The following PRKG1 variants were observed in gnomAD, a reference collection of about 807,000 sequenced individuals.
PRKG1 encodes the protein cGMP-dependent protein kinase 1.
A neutral mutation model predicts 88.1 loss-of-function variants in PRKG1; 35 were observed. The ratio of observed to expected loss-of-function variants is 0.40; its 90% CI spans 0.30 to 0.53. The LOEUF is 0.53. Among genes scored for constraint, PRKG1 ranks in the 20% least tolerant of loss-of-function variants. The pLI is 0.59. For synonymous variants in PRKG1, 303 were observed against 292.5 expected, an observed-to-expected ratio of 1.04 and a Z score of -0.37; for missense variants, 540 against 839.8, an observed-to-expected ratio of 0.64 and a Z score of 4.41.
intron 7 of PRKG1, among the ~76,000 whole-genome samples, chr10:52,110,777 T>C (rs1847545030): frequency 6.6e-6 from 1 of 152,140 alleles, no homozygotes; most frequent in African/African-American, 2.4e-5. Flanking sequence ...TTTATGATCA[T>C]TCGTCTGTCA....
Position 52,029,832 on chromosome 10 carries a change from C to T in PRKG1, c.763-24652C>T, listed in dbSNP as rs147941239. On this transcript the variant is annotated intron_variant, in intron 5 of 17. Transcript: ENST00000373980. Reference sequence around the variant, plus strand: ...AGATGATTAGAAACAGGGTATCTGGCTGCGTGCTGGACATGTGGACAGTAC... The same window carrying T: ...AGATGATTAGAAACAGGGTATCTGGTTGCGTGCTGGACATGTGGACAGTAC... 5.1e-3 allele frequency among the ~76,000 whole-genome samples: 783 copies of T among 152,218 alleles called. 7 individuals carry two copies. Among genetic ancestry groups the T allele is most frequent in the African/African-American group, 0.018 (743 of 41,540 alleles).
chr10:51,732,124 A>G (rs986236245), intron 3 of PRKG1, among the ~76,000 whole-genome samples: 3 of 151,464 alleles, frequency 2.0e-5, no homozygotes, highest in Non-Finnish European at 4.4e-5. Flanking sequence ...CAGTGACACA[A>G]TCTTGGCTCT....
intron 3 of PRKG1, among the ~76,000 whole-genome samples, chr10:51,562,974 C>T (rs1024493288): frequency 6.6e-6 from 1 of 151,832 alleles, no homozygotes; most frequent in Admixed American, 6.6e-5. Flanking sequence ...AAGACAGGGT[C>T]TCATTATGTT....
intron 9 of PRKG1, among the ~76,000 whole-genome samples, chr10:52,193,635 T>C (rs1261602244): frequency 6.6e-6 from 1 of 151,812 alleles, no homozygotes; most frequent in Non-Finnish European, 1.5e-5. Context: ...ACTAGGATCT[T>C]TATTTCAAAG....
At chr10:51,947,774 C>A (rs973334931) in intron 5 of PRKG1, among the ~76,000 whole-genome samples, 1 of 152,126 alleles carries the variant, frequency 6.6e-6, no homozygotes, top group Non-Finnish European at 1.5e-5. Flanking sequence ...AGGGGGACTC[C>A]ATGGGGACTG....
intron 2 of PRKG1, among the ~76,000 whole-genome samples, chr10:51,246,169 T>C (rs907475553): frequency 2.0e-5 from 3 of 152,136 alleles, no homozygotes; most frequent in Non-Finnish European, 2.9e-5. Flanking sequence ...TGACTTTCTC[T>C]GACCCAGAAA....
intron 7 of PRKG1, among the ~76,000 whole-genome samples, chr10:52,094,678 C>T (rs764354488): frequency 9.9e-5 from 15 of 152,112 alleles, no homozygotes; most frequent in Admixed American, 6.6e-5. Context: ...CTGGTGAGAC[C>T]TCTCTTCCTG....
intron 1 of PRKG1, among the ~76,000 whole-genome samples, chr10:51,024,190 T>C (rs1443315137): frequency 2.0e-5 from 3 of 152,176 alleles, no homozygotes; most frequent in Non-Finnish European, 2.9e-5. Flanking sequence ...TTCCTCAGTA[T>C]TGGTCAGAAT....
chr10:51,040,564 C>T (rs1309076884), intron 1 of PRKG1, among the ~76,000 whole-genome samples: 1 of 151,856 alleles, frequency 6.6e-6, no homozygotes, highest in Admixed American at 6.6e-5. Context: ...GTGATACACC[C>T]ACCTAGGCCT....
chr10:51,172,204 TA>T (rs1360683174), intron 2 of PRKG1, among the ~76,000 whole-genome samples: 3 of 152,076 alleles, frequency 2.0e-5, no homozygotes, highest in Admixed American at 1.3e-4. Context: ...CCAAATTGCC[TA>T]ACTCTCAAAA....
In PRKG1 at chr10:52,297,692, T is replaced by G. The variant is rs1842409551; in HGVS notation, c.*3792T>G. ...TCCTGTTTTGCTAAGCTGTGCAGAT[T>G]CTGTAAAAATAAATTAGTGCAGTCA... On this transcript the variant is annotated 3_prime_UTR_variant, in exon 18 of 18. Transcript: ENST00000373980. 6.6e-6 allele frequency: 1 copy of G among 152,140 alleles called. No individual in the cohort carries two copies. Among genetic ancestry groups the G allele is most frequent in the African/African-American group, 2.4e-5 (1 of 41,434 alleles). The allele number at this position is 152,140 out of a possible 1,614,324, so 9.4% of individuals were successfully genotyped here.
At chr10:52,251,453 G>A (rs1450062898) in intron 9 of PRKG1, 117 bp from the exon 10 acceptor site, 1 of 758,954 alleles carries the variant, frequency 1.3e-6, no homozygotes, top group Non-Finnish European at 2.2e-6. Context: ...CTAAAAGCAA[G>A]ATGGAATGTA....
intron 3 of PRKG1, among the ~76,000 whole-genome samples, chr10:51,478,455 A>C (rs1057227044): frequency 6.6e-6 from 1 of 152,204 alleles, no homozygotes; most frequent in South Asian, 2.1e-4. Context: ...GATGATTCAA[A>C]CTACTTCTGG....
At chr10:51,210,344 A>G (rs1377563438) in intron 2 of PRKG1, among the ~76,000 whole-genome samples, 2 of 152,198 alleles carry the variant, frequency 1.3e-5, no homozygotes, top group Admixed American at 1.3e-4. Flanking sequence ...ATAGCACTAA[A>G]TGCCCACAAG....
intron 2 of PRKG1, among the ~76,000 whole-genome samples, chr10:51,428,390 C>T (rs1482677794): frequency 7.2e-5 from 11 of 152,086 alleles, no homozygotes; most frequent in Non-Finnish European, 1.6e-4. Flanking sequence ...TCATTTATGG[C>T]TTCACTAAAT....
chr10:51,142,246 G>C (rs1845837726), intron 1 of PRKG1, among the ~76,000 whole-genome samples: 1 of 152,068 alleles, frequency 6.6e-6, no homozygotes, highest in Non-Finnish European at 1.5e-5. Flanking sequence ...TTATCCTTCT[G>C]TAAAACCCAT....
At chr10:51,712,191 G>A (rs945225413) in intron 3 of PRKG1, among the ~76,000 whole-genome samples, 1 of 152,302 alleles carries the variant, frequency 6.6e-6, no homozygotes, top group South Asian at 2.1e-4. Context: ...TAAACTGGGG[G>A]AAACTTAGCA....
At chr10:52,016,378 C>T (rs553257710) in intron 5 of PRKG1, among the ~76,000 whole-genome samples, 1 of 152,268 alleles carries the variant, frequency 6.6e-6, no homozygotes, top group East Asian at 1.9e-4. Context: ...TGTTAGAACT[C>T]ACTCATTATC....
chr10:52,194,704 C>T (rs1024006626), intron 9 of PRKG1, among the ~76,000 whole-genome samples: 1 of 152,014 alleles, frequency 6.6e-6, no homozygotes, highest in African/African-American at 2.4e-5. Flanking sequence ...ATTTAGCTAT[C>T]AATGCTAAGA....
Sources: gnomAD v4.1 joint callset for allele counts (sites outside exome capture counted in the v4.1 genomes callset) on GRCh38, gnomAD v4.1.1 for gene constraint, MANE v1.5 for transcripts, NCBI Gene and HGNC (gene_info 2026-07-23, HGNC 2026-07-21) for gene names.